The following RBM41 variants were observed in gnomAD, a reference collection of about 807,000 sequenced individuals.
The protein encoded by RBM41 is RNA-binding protein 41.
RBM41 carries 14 observed loss-of-function variants against 30.8 expected under a neutral mutation model. That is an observed-to-expected ratio of 0.45 (90% CI 0.30 to 0.71). The LOEUF is 0.71. Among genes scored for constraint, RBM41 ranks in the 30% least tolerant of loss-of-function variants. The pLI, the probability that RBM41 is intolerant of heterozygous loss-of-function variation, is 0.08. For missense variants in RBM41, 276 were observed against 326.3 expected (o/e 0.85, Z 1.19); for synonymous variants, 120 against 110.1 (o/e 1.09, Z -0.56).
At chrX:107,073,229 A>C (rs979514404) in intron 6 of RBM41, among the ~76,000 whole-genome samples, 2 of 112,041 alleles carry the variant, frequency 1.8e-5, no homozygotes, top group African/African-American at 6.5e-5. Context: ...AAATATTTGC[A>C]AACTACTCAC....
At position 107,116,770 on chromosome X, in the gene RBM41, G is replaced by C. The variant is rs371194153; in HGVS notation, c.9-4C>G. On this transcript the variant is annotated splice_polypyrimidine_tract_variant and splice_region_variant and intron_variant, in intron 1 of 7. Coordinates refer to ENST00000685964, the MANE Select transcript of RBM41 (RefSeq NM_001324242.2). ...ACTCTTCACACAGCTGTTTACCCTGGAGTAGACATAAGAATATATACAGAA... is the reference window on the plus strand; with the variant it reads ...ACTCTTCACACAGCTGTTTACCCTGCAGTAGACATAAGAATATATACAGAA... 30 of 1,201,097 alleles carry C rather than the reference G, an allele frequency of 2.5e-5. No individual in the cohort carries two copies. Among genetic ancestry groups the C allele is most frequent in the Non-Finnish European group, 3.4e-5 (30 of 889,800 alleles).
intron 6 of RBM41, among the ~76,000 whole-genome samples, chrX:107,070,963 T>C (rs1186466667): frequency 2.8e-5 from 3 of 108,348 alleles, no homozygotes; most frequent in African/African-American, 1.0e-4. Flanking sequence ...GGCAGGAGGA[T>C]TACTGGAGCT....
At chrX:107,057,279 CTTTA>C (rs1455478205), downstream of RBM41, among the ~76,000 whole-genome samples, 1 of 110,903 alleles carries the variant, frequency 9.0e-6, no homozygotes, top group Non-Finnish European at 1.9e-5. Flanking sequence ...TGAGATCGTT[CTTTA>C]TTTAAAAAAA....
At position 107,088,534 on chromosome X, in the gene RBM41, A is replaced by G; in HGVS notation, c.901T>C (p.Phe301Leu). ...GPKKLTQPIE[F>L]VPEDEIQRNR... ...CTCTGGATTTCATCTTCTGGGACAAATTCTATTGGCTGCGTCAGCTTCTTA... is the reference window on the plus strand; with the variant it reads ...CTCTGGATTTCATCTTCTGGGACAAGTTCTATTGGCTGCGTCAGCTTCTTA... The change falls in exon 6 of 8, where the codon TTT becomes CTT. Residue 301 changes from phenylalanine (F) to leucine (L), a missense_variant. Transcript: ENST00000685964. 1 of 1,211,306 alleles carries G rather than the reference A, an allele frequency of 8.3e-7. No homozygotes were observed. The highest frequency in any genetic ancestry group is 1.1e-6 in the Non-Finnish European group (1 of 895,303).
chrX:107,116,307 ATTTAATAGCT>A, intron 2 of RBM41: 1 of 883,392 alleles, frequency 1.1e-6, no homozygotes, highest in Non-Finnish European at 1.4e-6. Context: ...GGTACTAAGG[ATTTAATAGCT>A]TTATAAAAAA....
At chrX:107,118,313 G>A (rs937507757) in intron 1 of RBM41, among the ~76,000 whole-genome samples, 1 of 108,906 alleles carries the variant, frequency 9.2e-6, no homozygotes, top group Non-Finnish European at 1.9e-5. Context: ...TGGTTTCGGG[G>A]CCCAAGCAAG....
At chrX:107,058,293 CAAAAAAAAAA>C (rs201428990), downstream of RBM41, among the ~76,000 whole-genome samples, 1 of 45,712 alleles carries the variant, frequency 2.2e-5, no homozygotes, top group Non-Finnish European at 4.7e-5. Context: ...AACTCCGTCT[CAAAAAAAAAA>C]AAAAAAAAAA....
rs1922723097 is a variant in RBM41 at position 107,093,473 on chromosome X, C to G, written c.596-4634G>C. ...ACACAAATATCTGGAAATTGAACAA[C>G]AAACTTCTAAATAACCCATGGGTCA... On this transcript the variant is annotated intron_variant, in intron 5 of 7. Transcript: ENST00000685964. Among the ~76,000 whole-genome samples the G allele has an allele frequency of 2.7e-5, 3 of 111,923 alleles. No homozygotes were observed. The Admixed American group carries it at 2.8e-4, about 11-fold the overall frequency.
intron 5 of RBM41, among the ~76,000 whole-genome samples, chrX:107,091,374 A>G (rs899309018): frequency 1.8e-5 from 2 of 112,172 alleles, no homozygotes; most frequent in East Asian, 2.8e-4. Context: ...CCCATTGGAA[A>G]TATACAAATG....
intron 5 of RBM41, among the ~76,000 whole-genome samples, chrX:107,094,524 G>A (rs1922802207): frequency 8.9e-6 from 1 of 112,095 alleles, no homozygotes; most frequent in African/African-American, 3.2e-5. Context: ...CACTAGAAGG[G>A]AGCATCTTCA....
intron 6 of RBM41, among the ~76,000 whole-genome samples, chrX:107,075,922 T>C (rs967298531): frequency 1.8e-5 from 2 of 112,003 alleles, no homozygotes; most frequent in East Asian, 5.6e-4. Context: ...CAAAGAGATA[T>C]ATGCATTCCT....
chrX:107,093,641 A>G (rs2147635586), intron 5 of RBM41, among the ~76,000 whole-genome samples: 1 of 112,225 alleles, frequency 8.9e-6, no homozygotes, highest in Admixed American at 9.4e-5. Context: ...ATTGGAAAAG[A>G]AGAATGGTTT....
At chrX:107,070,272 G>A (rs754122602) in intron 6 of RBM41, 31 of 329,975 alleles carry the variant, frequency 9.4e-5, no homozygotes, top group Middle Eastern at 8.7e-4. Context: ...ATACATGGCT[G>A]AAGATGTGAA....
the RBM41 span, among the ~76,000 whole-genome samples, chrX:107,053,746 T>C: frequency 1.8e-5 from 2 of 111,407 alleles, no homozygotes; most frequent in African/African-American, 6.5e-5. Context: ...GATTGCTTCC[T>C]TTACTTGTTT....
At chrX:107,052,636 TTA>T in the RBM41 span, among the ~76,000 whole-genome samples, 20 of 111,764 alleles carry the variant, frequency 1.8e-4, no homozygotes, top group African/African-American at 5.2e-4. Context: ...GTGGTAGATT[TTA>T]GTCATGGACT....
In RBM41 at chrX:107,088,485, A is replaced by G. The variant is rs1922234674; in HGVS notation, c.950T>C (p.Ile317Thr). The G allele has an allele frequency of 8.3e-7, 1 of 1,209,930 alleles. No individual in the cohort carries two copies. ...IQRNRLSEEE[I>T]RKIPMFSSYN... ...TGAAGAAAACATAGGAATTTTTCGGATCTCTTCCTCTGACAAACGATTTCT... is the reference window on the plus strand; with the variant it reads ...TGAAGAAAACATAGGAATTTTTCGGGTCTCTTCCTCTGACAAACGATTTCT... Residue 317 changes from isoleucine to threonine, a missense_variant, in exon 6 of 8, where the codon ATC becomes ACC. Coordinates refer to ENST00000685964, the MANE Select transcript of RBM41 (RefSeq NM_001324242.2).
At chrX:107,100,513 A>G (rs1481651720) in intron 5 of RBM41, among the ~76,000 whole-genome samples, 1 of 110,639 alleles carries the variant, frequency 9.0e-6, no homozygotes, top group Non-Finnish European at 1.9e-5. Flanking sequence ...AGAAAAAAAA[A>G]GTAACATAAA....
At chrX:107,108,108 G>A (rs1163735209) in intron 5 of RBM41, among the ~76,000 whole-genome samples, 1 of 111,526 alleles carries the variant, frequency 9.0e-6, no homozygotes, top group Non-Finnish European at 1.9e-5. Context: ...AGACTTTTGT[G>A]TAAGGACAAA....
chrX:107,064,686 ATGCTTTAACTTATGACCTATTTT>A lies in RBM41; in HGVS notation c.*2818_*2840del, dbSNP rs1320618784. On this transcript the variant is annotated 3_prime_UTR_variant, in exon 8 of 8. Coordinates refer to ENST00000685964, the MANE Select transcript of RBM41 (RefSeq NM_001324242.2). ...ACTTATATTTATTAAGGCTTGTTTT[ATGCTTTAACTTATGACCTATTTT>A]GGAGATGTTTCATATGCACTCGAGA... The A allele has an allele frequency of 8.9e-6, 1 of 111,902 alleles. No individual in the cohort carries two copies. The highest frequency in any genetic ancestry group is 3.2e-5 in the African/African-American group (1 of 30,803). 9.2% of individuals were successfully genotyped at this position (111,902 alleles called of 1,213,427 possible).
Sources: allele counts gnomAD v4.1 joint callset (sites outside exome capture counted in the v4.1 genomes callset), GRCh38; gene constraint gnomAD v4.1.1; transcripts MANE v1.5; gene names NCBI Gene and HGNC (gene_info 2026-07-23, HGNC 2026-07-21).